Variants in MYT1L observed in about 807,000 individuals in gnomAD.
The protein encoded by MYT1L is myelin transcription factor 1-like protein.
In MYT1L, 12 loss-of-function variants were observed where a neutral mutation model predicts 126.7. The observed-to-expected ratio is 0.09, with a 90% CI of 0.06 to 0.15. The LOEUF (loss-of-function observed/expected upper bound fraction) is 0.15, where lower values mean the gene tolerates loss of function less well. MYT1L is among the 10% of genes least tolerant of loss of function. MYT1L has a pLI of 1.00. For synonymous variants in MYT1L, 541 were observed against 604.2 expected (o/e 0.90, Z 1.53); for missense variants, 979 against 1,585.2 (o/e 0.62, Z 6.49).
At chr2:2,134,883 T>A (rs1363713604) in intron 3 of MYT1L, among the ~76,000 whole-genome samples, 2 of 152,200 alleles carry the variant, frequency 1.3e-5, no homozygotes, top group Non-Finnish European at 2.9e-5. Flanking sequence ...CTATCTCACT[T>A]TCTCTTCATC....
intron 2 of MYT1L, among the ~76,000 whole-genome samples, chr2:2,178,568 T>C (rs1245767781): frequency 6.6e-6 from 1 of 152,116 alleles, no homozygotes; most frequent in Admixed American, 6.5e-5. Flanking sequence ...AGGAAGGTGT[T>C]GGTGAGGTGG....
chr2:2,296,614 G>A (rs2149498800), intron 1 of MYT1L, among the ~76,000 whole-genome samples: 1 of 152,218 alleles, frequency 6.6e-6, no homozygotes, highest in East Asian at 1.9e-4. Context: ...AGAGAGAGGG[G>A]GAGTGAGAGT....
chr2:1,957,374 A>G (rs2058578642), intron 8 of MYT1L, among the ~76,000 whole-genome samples: 1 of 152,156 alleles, frequency 6.6e-6, no homozygotes, highest in Admixed American at 6.5e-5. Flanking sequence ...TTATCTAAGC[A>G]GTATATGCTG....
chr2:2,260,107 C>T (rs1211047170), intron 2 of MYT1L, among the ~76,000 whole-genome samples: 1 of 152,146 alleles, frequency 6.6e-6, no homozygotes, highest in Non-Finnish European at 1.5e-5. Flanking sequence ...TTTTCAGATG[C>T]ACTCACCGAG....
chr2:2,271,132 A>T (rs1423175996), intron 2 of MYT1L, among the ~76,000 whole-genome samples: 1 of 152,174 alleles, frequency 6.6e-6, no homozygotes, highest in Non-Finnish European at 1.5e-5. Flanking sequence ...GACATCTAGC[A>T]AGGAACTGAC....
intron 1 of MYT1L, among the ~76,000 whole-genome samples, chr2:2,289,247 G>T (rs374654305): frequency 1.3e-5 from 2 of 152,156 alleles, no homozygotes; most frequent in African/African-American, 4.8e-5. Flanking sequence ...TGCCAGATAC[G>T]TTGAAGTTTT....
At chr2:2,186,199 T>C (rs2092164337) in intron 2 of MYT1L, among the ~76,000 whole-genome samples, 2 of 104,140 alleles carry the variant, frequency 1.9e-5, no homozygotes, top group Admixed American at 9.5e-5. Flanking sequence ...CAGCCAGGCC[T>C]TCCGGGCCTT....
intron 21 of MYT1L, among the ~76,000 whole-genome samples, chr2:1,833,750 C>A (rs1031454659): frequency 6.6e-6 from 1 of 152,212 alleles, no homozygotes; most frequent in Non-Finnish European, 1.5e-5. Flanking sequence ...CTAGAAAGAC[C>A]TTGCCAACCC....
intron 8 of MYT1L, among the ~76,000 whole-genome samples, chr2:1,958,775 T>A (rs990308030): frequency 1.3e-5 from 2 of 151,436 alleles, no homozygotes; most frequent in Non-Finnish European, 2.9e-5. Context: ...CCCCTTCTTC[T>A]AGGATTCTCT....
intron 8 of MYT1L, among the ~76,000 whole-genome samples, chr2:1,977,518 T>A (rs2060275162): frequency 6.6e-6 from 1 of 152,186 alleles, no homozygotes. Flanking sequence ...CCTTTAAAAA[T>A]ATGTAAAAGA....
intron 2 of MYT1L, among the ~76,000 whole-genome samples, chr2:2,238,910 G>A (rs2094382601): frequency 6.6e-6 from 1 of 152,120 alleles, no homozygotes; most frequent in Non-Finnish European, 1.5e-5. Context: ...ATGTGGAATA[G>A]TAGCAGGTGC....
At chr2:2,137,975 A>G (rs1007690568) in intron 3 of MYT1L, among the ~76,000 whole-genome samples, 3 of 152,122 alleles carry the variant, frequency 2.0e-5, no homozygotes, top group Non-Finnish European at 4.4e-5. Context: ...TCTACAATGA[A>G]CTCAAACAAA....
At chr2:1,794,637 T>A (rs1478432395) in intron 23 of MYT1L, among the ~76,000 whole-genome samples, 1 of 152,122 alleles carries the variant, frequency 6.6e-6, no homozygotes, top group Non-Finnish European at 1.5e-5. Flanking sequence ...CTTCAACTTA[T>A]GTTCTCTGCT....
intron 2 of MYT1L, among the ~76,000 whole-genome samples, chr2:2,260,100 T>A (rs548906570): frequency 6.6e-6 from 1 of 152,274 alleles, no homozygotes; most frequent in Admixed American, 6.5e-5. Context: ...CTTAGTGTTT[T>A]CAGATGCACT....
chr2:2,165,640 G>C (rs1231056583), intron 3 of MYT1L, among the ~76,000 whole-genome samples: 1 of 151,952 alleles, frequency 6.6e-6, no homozygotes, highest in Non-Finnish European at 1.5e-5. Flanking sequence ...GGAAAATAAA[G>C]TTTTCCTTTA....
chr2:1,913,432 A>G (rs1247416275), intron 11 of MYT1L, among the ~76,000 whole-genome samples: 1 of 152,070 alleles, frequency 6.6e-6, no homozygotes. Flanking sequence ...GAGAGGATCC[A>G]AGCACAGTTC....
intron 2 of MYT1L, among the ~76,000 whole-genome samples, chr2:2,274,395 G>A (rs912004698): frequency 2.0e-5 from 3 of 152,086 alleles, no homozygotes; most frequent in Non-Finnish European, 2.9e-5. Flanking sequence ...CAGTGGGCAG[G>A]TGGGTTAATG....
At chr2:2,202,217 G>A (rs1021994774) in intron 2 of MYT1L, among the ~76,000 whole-genome samples, 1 of 151,938 alleles carries the variant, frequency 6.6e-6, no homozygotes, top group Admixed American at 6.6e-5. Flanking sequence ...AAGAACTAGA[G>A]AAGCAAGAGC....
At position 2,202,301 on chromosome 2, in the gene MYT1L, A is replaced by G. The variant is rs185180995; in HGVS notation, c.-420-29313T>C. 8.8e-3 allele frequency among the ~76,000 whole-genome samples: 1,336 copies of G among 152,302 alleles called. 31 individuals are homozygous for G. Among genetic ancestry groups the G allele is most frequent in the African/African-American group, 0.031 (1,275 of 41,578 alleles). On this transcript the variant is annotated intron_variant, in intron 2 of 24. Coordinates refer to ENST00000647738, the MANE Select transcript of MYT1L (RefSeq NM_001303052.2). ...CAGGACTGAAGGAAATAGAGACACA[A>G]AAAAACCTTCAAAAAATCAATGAAT...
Sources: allele counts gnomAD v4.1 joint callset (sites outside exome capture counted in the v4.1 genomes callset), GRCh38; gene constraint gnomAD v4.1.1; transcripts MANE v1.5; gene names NCBI Gene and HGNC (gene_info 2026-07-23, HGNC 2026-07-21).